Variants in PDZD2 observed in about 807,000 individuals in gnomAD.
PDZD2 encodes the protein PDZ domain-containing protein 2.
A neutral mutation model predicts 220.7 loss-of-function variants in PDZD2; 90 were observed. That is an observed-to-expected ratio of 0.41 (90% CI 0.34 to 0.49). The LOEUF (loss-of-function observed/expected upper bound fraction) is 0.49, where lower values mean the gene tolerates loss of function less well. Among genes scored for constraint, PDZD2 ranks in the 20% least tolerant of loss-of-function variants. The pLI, the probability that PDZD2 is intolerant of heterozygous loss-of-function variation, is 0.28. For missense variants in PDZD2, 3,174 were observed against 3,608.5 expected, an observed-to-expected ratio of 0.88 and a Z score of 3.08; for synonymous variants, 1,375 against 1,450.5, an observed-to-expected ratio of 0.95 and a Z score of 1.18.
rs370434333 is a variant in PDZD2, at chr5:32,057,751, C to T, written c.1974+23C>T. On this transcript the variant is annotated intron_variant, in intron 11 of 24. Coordinates refer to ENST00000438447, the MANE Select transcript of PDZD2 (RefSeq NM_178140.4). ...AAGGTAACAACATTCTTATTGATCT[C>T]CTTTATCCTATTTTCCTTTCTTTAT... 11 of 1,495,538 alleles carry T rather than the reference C, an allele frequency of 7.4e-6. No homozygotes were observed. In the East Asian group the frequency reaches 1.6e-4, roughly 21 times the overall value. The allele number at this position is 1,495,538 out of a possible 1,614,324, so 92.6% of individuals were successfully genotyped here. A position where few individuals can be genotyped will look rare whatever the true frequency, so the allele number is the denominator to read the frequency against.
At chr5:31,910,212 C>T (rs1743045137) in intron 2 of PDZD2, among the ~76,000 whole-genome samples, 1 of 117,064 alleles carries the variant, frequency 8.5e-6, no homozygotes, top group South Asian at 2.6e-4. Flanking sequence ...CTCCAGAGTT[C>T]CTGCATTTTT....
At chr5:32,039,476 C>T (rs570649934) in intron 7 of PDZD2, among the ~76,000 whole-genome samples, 6 of 152,346 alleles carry the variant, frequency 3.9e-5, no homozygotes, top group African/African-American at 1.4e-4. Context: ...TCCCAGCCGC[C>T]TGCCTTGGCC....
At chr5:31,915,923 G>A (rs1384179363) in intron 2 of PDZD2, among the ~76,000 whole-genome samples, 4 of 152,118 alleles carry the variant, frequency 2.6e-5, no homozygotes, top group Non-Finnish European at 5.9e-5. Flanking sequence ...GAATTTATTG[G>A]AGATTGGCTT....
At chr5:31,694,917 A>T (rs1747315858) in intron 1 of PDZD2, among the ~76,000 whole-genome samples, 1 of 151,900 alleles carries the variant, frequency 6.6e-6, no homozygotes, top group Admixed American at 6.6e-5. Context: ...TGAGATTAGG[A>T]CTTCGAGACC....
intron 2 of PDZD2, among the ~76,000 whole-genome samples, chr5:31,901,978 A>G (rs780221395): frequency 1.3e-5 from 2 of 152,206 alleles, no homozygotes; most frequent in African/African-American, 2.4e-5. Context: ...AATGTTATCT[A>G]TTCACCAGGT....
At chr5:31,866,560 A>C (rs1290455885) in intron 2 of PDZD2, among the ~76,000 whole-genome samples, 1 of 152,166 alleles carries the variant, frequency 6.6e-6, no homozygotes, top group African/African-American at 2.4e-5. Context: ...CCACCCTTAA[A>C]GGCATCATAC....
At chr5:31,692,115 G>T (rs1747163229) in intron 1 of PDZD2, among the ~76,000 whole-genome samples, 2 of 152,308 alleles carry the variant, frequency 1.3e-5, no homozygotes, top group South Asian at 4.1e-4. Flanking sequence ...GGAGTGGAGG[G>T]GAGGCTCAGG....
chr5:31,766,357 CT>C (rs1752009311), intron 1 of PDZD2, among the ~76,000 whole-genome samples: 1 of 152,120 alleles, frequency 6.6e-6, no homozygotes, highest in Non-Finnish European at 1.5e-5. Context: ...AAATAAGTTT[CT>C]TTTTTATTAT....
intron 2 of PDZD2, among the ~76,000 whole-genome samples, chr5:31,897,432 C>G (rs192987861): frequency 6.6e-6 from 1 of 152,220 alleles, no homozygotes; most frequent in East Asian, 1.9e-4. Context: ...TTGTACACAC[C>G]TCTGTTATTC....
chr5:31,793,142 G>C (rs1379782905), intron 1 of PDZD2, among the ~76,000 whole-genome samples: 1 of 151,836 alleles, frequency 6.6e-6, no homozygotes, highest in Admixed American at 6.6e-5. Flanking sequence ...CCCGGCCAAA[G>C]GTGCTTATTT....
intron 19 of PDZD2, among the ~76,000 whole-genome samples, chr5:32,081,180 C>T (rs1272860579): frequency 2.6e-5 from 4 of 152,100 alleles, no homozygotes; most frequent in South Asian, 2.1e-4. Context: ...CTCCCAGCCC[C>T]GTACTCCCTG....
chr5:32,074,139 C>T lies in PDZD2; in HGVS notation c.3033C>T (p.Gly1011=), dbSNP rs549739561. The T allele has an allele frequency of 3.1e-6, 5 of 1,614,212 alleles. No individual in the cohort carries two copies. Among genetic ancestry groups the T allele is most frequent in the South Asian group, 1.1e-5 (1 of 91,090 alleles). The change falls in exon 18 of 25, where the codon GGC becomes GGT. Residue 1011 remains glycine (G), a synonymous_variant. Transcript: ENST00000438447. The part of the protein sequence containing the change: ...PRRVSISSSK[G]MDVHNQEERP... ...GTGTCTCAATTTCCTCTTCCAAGGG[C>T]ATGGACGTCCACAACCAAGAGGAAC...
rs73072122 is a variant in PDZD2, at chr5:31,665,397, A to C, written c.-361+25960A>C. Among the ~76,000 whole-genome samples the C allele has an allele frequency of 4.2e-3, 644 of 152,144 alleles. 7 individuals are homozygous for C. The highest frequency in any genetic ancestry group is 0.015 in the African/African-American group (610 of 41,498). On this transcript the variant is annotated intron_variant, in intron 1 of 24. Coordinates refer to ENST00000438447, the MANE Select transcript of PDZD2 (RefSeq NM_178140.4). ...AAGCCTTTCCTGGACCCACAAATTCAGCTTGTGTTCTGGTCTTTTATGGAG... is the reference window on the plus strand; with the variant it reads ...AAGCCTTTCCTGGACCCACAAATTCCGCTTGTGTTCTGGTCTTTTATGGAG...
At chr5:31,757,065 C>T (rs1751344135) in intron 1 of PDZD2, among the ~76,000 whole-genome samples, 1 of 151,878 alleles carries the variant, frequency 6.6e-6, no homozygotes, top group African/African-American at 2.4e-5. Context: ...GGGAGGATCA[C>T]GTGAGGCCAG....
intron 4 of PDZD2, among the ~76,000 whole-genome samples, chr5:31,999,290 T>G (rs10035844): frequency 0.02 from 2,695 of 136,708 alleles, 103 homozygotes; most frequent in African/African-American, 0.069. Context: ...GTTTTTTTTT[T>G]TTGTTTGTTT....
chr5:31,730,268 AGGAGT>A (rs1198456672), intron 1 of PDZD2, among the ~76,000 whole-genome samples: 3 of 152,306 alleles, frequency 2.0e-5, no homozygotes, highest in Middle Eastern at 3.4e-3. Flanking sequence ...GGTTAGCTCC[AGGAGT>A]GAATGATTTC....
rs201904084 is a variant in PDZD2 at position 32,098,547 on chromosome 5, C to T, written c.8131C>T (p.Pro2711Ser). The T allele has an allele frequency of 1.7e-5, 28 of 1,614,112 alleles. No homozygotes were observed. In the East Asian group the frequency reaches 3.8e-4, roughly 22 times the overall value. ...GGTCATCAAGAAAGGGATGGATCAG[C>T]CCAGGCCCTCTGCCCGGCAGGAGCC... ...LVVIKKGMDQ[P>S]RPSARQEPPT... Residue 2711 changes from proline to serine, a missense_variant, in exon 23 of 25, where the codon CCC becomes TCC. Physicochemically the swap from Pro to Ser is moderately conservative, Grantham distance 74. This residue lies in a region of PDZD2 where 631 missense variants were observed against 789.9 expected (regional missense o/e 0.80). Transcript: ENST00000438447. This position sits in a 1 kb window ranked among gnomAD's most constrained non-coding sequence, Gnocchi z 4.1.
At chr5:31,691,968 A>G (rs414637) in intron 1 of PDZD2, among the ~76,000 whole-genome samples, 113,407 of 152,184 alleles carry the variant, frequency 0.75, 42,998 homozygotes, top group East Asian at 0.93. Context: ...ATCCCACACC[A>G]GGGCTGCAGG....
chr5:32,066,419 T>C (rs773008508), intron 14 of PDZD2, among the ~76,000 whole-genome samples: 31 of 152,192 alleles, frequency 2.0e-4, no homozygotes, highest in Non-Finnish European at 3.7e-4. Context: ...TTTTTCCTCC[T>C]TGTCACCTCC....
Sources: gnomAD v4.1 joint callset for allele counts (sites outside exome capture counted in the v4.1 genomes callset) on GRCh38, gnomAD v4.1.1 for gene constraint, gnomAD v4.1.1 regional missense constraint, Gnocchi (gnomAD v3.1) non-coding constraint, MANE v1.5 for transcripts, NCBI Gene and HGNC (gene_info 2026-07-23, HGNC 2026-07-21) for gene names.